The following ROBO2 variants were observed in gnomAD, a reference collection of about 807,000 sequenced individuals.
The protein encoded by ROBO2 is roundabout guidance receptor 2, also known as roundabout homolog 2.
Under a neutral mutation model 160.8 loss-of-function variants are expected in ROBO2, and 53 were observed. The observed-to-expected ratio is 0.33, with a 90% CI of 0.26 to 0.41. The LOEUF (loss-of-function observed/expected upper bound fraction) is 0.41, where lower values mean the gene tolerates loss of function less well. Among genes scored for constraint, ROBO2 ranks in the 10% least tolerant of loss-of-function variants. The pLI is 1.00. For missense variants in ROBO2, 1,577 were observed against 1,722.4 expected, an observed-to-expected ratio of 0.92 and a Z score of 1.49; for synonymous variants, 664 against 611.7, an observed-to-expected ratio of 1.09 and a Z score of -1.26.
intron 2 of ROBO2, among the ~76,000 whole-genome samples, chr3:77,289,539 A>T (rs974067678): frequency 1.3e-5 from 2 of 152,116 alleles, no homozygotes; most frequent in African/African-American, 4.8e-5. Flanking sequence ...AGATCACCCC[A>T]GACATAAAGT....
intron 2 of ROBO2, among the ~76,000 whole-genome samples, chr3:76,456,784 C>T (rs529041771): frequency 1.3e-5 from 2 of 152,254 alleles, no homozygotes; most frequent in Non-Finnish European, 2.9e-5. Flanking sequence ...ACTTACAGTT[C>T]CACATGGCTG....
intron 2 of ROBO2, among the ~76,000 whole-genome samples, chr3:77,140,913 C>A (rs1292113628): frequency 6.6e-6 from 1 of 152,104 alleles, no homozygotes; most frequent in African/African-American, 2.4e-5. Flanking sequence ...TAAATCATTA[C>A]CTCCTCACTT....
At chr3:76,583,397 TCACA>T (rs1191793592) in intron 2 of ROBO2, among the ~76,000 whole-genome samples, 1 of 152,172 alleles carries the variant, frequency 6.6e-6, no homozygotes, top group African/African-American at 2.4e-5. Context: ...ATAGACATAT[TCACA>T]CACACTCAGG....
chr3:76,943,635 G>A (rs1025882816), intron 2 of ROBO2, among the ~76,000 whole-genome samples: 3 of 152,130 alleles, frequency 2.0e-5, no homozygotes, highest in Admixed American at 1.3e-4. Flanking sequence ...ACCAAAACAC[G>A]TATTCATAGT....
intron 2 of ROBO2, among the ~76,000 whole-genome samples, chr3:76,410,519 C>A (rs2108829495): frequency 6.6e-6 from 1 of 152,236 alleles, no homozygotes; most frequent in African/African-American, 2.4e-5. Context: ...ATCTAATCTG[C>A]ATTTTAAGTT....
chr3:76,435,538 C>T, intron 2 of ROBO2: 1 of 607,248 alleles, frequency 1.6e-6, no homozygotes, highest in Non-Finnish European at 3.0e-6. Context: ...AACTGCTTCT[C>T]TGCTCTGAGA....
chr3:77,590,851 G>T (rs1413942490), intron 17 of ROBO2, among the ~76,000 whole-genome samples: 1 of 151,786 alleles, frequency 6.6e-6, no homozygotes, highest in Non-Finnish European at 1.5e-5. Flanking sequence ...AATATATGTT[G>T]ATCATTGAGC....
At chr3:76,256,252 G>A (rs1483315619) in intron 2 of ROBO2, among the ~76,000 whole-genome samples, 1 of 151,488 alleles carries the variant, frequency 6.6e-6, no homozygotes, top group African/African-American at 2.4e-5. Context: ...CAGGGATGCA[G>A]TGAGCTGTGA....
chr3:76,165,577 C>G (rs918590268), intron 2 of ROBO2, among the ~76,000 whole-genome samples: 1 of 152,130 alleles, frequency 6.6e-6, no homozygotes, highest in African/African-American at 2.4e-5. Context: ...CCTTTGTAGT[C>G]ACAACTCAAT....
chr3:76,598,873 C>T (rs1277869393), intron 2 of ROBO2, among the ~76,000 whole-genome samples: 6 of 152,042 alleles, frequency 3.9e-5, no homozygotes, highest in Admixed American at 1.3e-4. Flanking sequence ...ACTTCATCTA[C>T]GTAACGAAGC....
At chr3:77,364,217 G>C (rs2070491806) in intron 2 of ROBO2, among the ~76,000 whole-genome samples, 1 of 151,686 alleles carries the variant, frequency 6.6e-6, no homozygotes, top group Non-Finnish European at 1.5e-5. Context: ...TTATCTACTG[G>C]TGATTATCAG....
intron 2 of ROBO2, among the ~76,000 whole-genome samples, chr3:76,215,474 T>C (rs1044184621): frequency 6.6e-6 from 1 of 152,130 alleles, no homozygotes; most frequent in Non-Finnish European, 1.5e-5. Context: ...AAGGACCTGA[T>C]GGAGCTAAAA....
chr3:76,612,530 TCACGTACCAGGC>T, intron 2 of ROBO2, among the ~76,000 whole-genome samples: 1 of 152,142 alleles, frequency 6.6e-6, no homozygotes, highest in Non-Finnish European at 1.5e-5. Flanking sequence ...GAGGGGAACA[TCACGTACCAGGC>T]CCTGTTTGGG....
At chr3:77,040,456 T>C in exon 1 of ROBO2, 1 of 1,097,180 alleles carries the variant, frequency 9.1e-7, no homozygotes, top group Non-Finnish European at 1.1e-6. Flanking sequence ...AACTTGGCTT[T>C]GGATTGCAGT....
At chr3:77,397,060 G>A (rs980628619) in intron 2 of ROBO2, among the ~76,000 whole-genome samples, 4 of 151,918 alleles carry the variant, frequency 2.6e-5, no homozygotes, top group African/African-American at 9.7e-5. Context: ...AACTGTGTGA[G>A]TATTACACAT....
chr3:76,426,008 A>G (rs181926650), intron 2 of ROBO2, among the ~76,000 whole-genome samples: 120 of 152,296 alleles, frequency 7.9e-4, no homozygotes, highest in African/African-American at 2.7e-3. Context: ...TAATTCTTTT[A>G]TATAAGAAAG....
intron 2 of ROBO2, among the ~76,000 whole-genome samples, chr3:76,034,274 C>T (rs576267101): frequency 2.8e-4 from 42 of 152,178 alleles, no homozygotes; most frequent in African/African-American, 9.9e-4. Flanking sequence ...TGTATCTGCT[C>T]GTTTGTGGTT....
intron 6 of ROBO2, among the ~76,000 whole-genome samples, chr3:77,533,625 C>T (rs1259874326): frequency 6.6e-6 from 1 of 152,132 alleles, no homozygotes; most frequent in Non-Finnish European, 1.5e-5. Context: ...TTGCTGCCAC[C>T]ACAACCTTCA....
chr3:76,225,488 G>A (rs1441545807), intron 2 of ROBO2, among the ~76,000 whole-genome samples: 1 of 152,154 alleles, frequency 6.6e-6, no homozygotes, highest in Non-Finnish European at 1.5e-5. Flanking sequence ...GCCAATGCAG[G>A]CAAATTGCTT....
Sources: gnomAD v4.1 joint callset for allele counts (sites outside exome capture counted in the v4.1 genomes callset) on GRCh38, gnomAD v4.1.1 for gene constraint, MANE v1.5 for transcripts, NCBI Gene and HGNC (gene_info 2026-07-23, HGNC 2026-07-21) for gene names.